Variants in TMEM196 observed in about 807,000 individuals in gnomAD.
TMEM196 encodes the protein transmembrane protein 196.
Under a neutral mutation model 20.0 loss-of-function variants are expected in TMEM196, and 17 were observed. The observed-to-expected ratio is 0.85, with a 90% CI of 0.58 to 1.27. The LOEUF is 1.27. Ranked by LOEUF, TMEM196 falls within the 50% of genes most tolerant of loss-of-function variation. The probability of loss-of-function intolerance (pLI) is 0.00; values close to 1 mark genes in which losing one functional copy is unlikely to be tolerated. For missense variants in TMEM196, 267 were observed against 223.0 expected (o/e 1.20, Z -1.26); for synonymous variants, 113 against 88.9 (o/e 1.27, Z -1.52).
chr7:19,725,792 G>C (rs764974753), intron 2 of TMEM196, 24 bp from the exon 3 acceptor site: 1 of 1,564,976 alleles, frequency 6.4e-7, no homozygotes, highest in African/African-American at 1.4e-5. Flanking sequence ...GAAAGGCAGC[G>C]TTAAAGTTGA....
chr7:19,722,227 T>A, intron 4 of TMEM196, 93 bp from the exon 5 acceptor site: 1 of 1,048,618 alleles, frequency 9.5e-7, no homozygotes, highest in Non-Finnish European at 1.4e-6. Context: ...TTTCAATCCA[T>A]TGAAAAACTT....
chr7:19,747,333 A>C (rs1404339888), intron 1 of TMEM196, among the ~76,000 whole-genome samples: 2 of 152,042 alleles, frequency 1.3e-5, no homozygotes, highest in East Asian at 3.9e-4. Context: ...GTTTGTGGTG[A>C]TTTTTACTCT....
At chr7:19,739,891 T>TG (rs1784528751) in intron 1 of TMEM196, among the ~76,000 whole-genome samples, 1 of 152,166 alleles carries the variant, frequency 6.6e-6, no homozygotes, top group African/African-American at 2.4e-5. Flanking sequence ...AATCATACAA[T>TG]GCTTATAGAT....
intron 1 of TMEM196, among the ~76,000 whole-genome samples, chr7:19,753,908 A>T (rs1412534730): frequency 6.6e-6 from 1 of 151,946 alleles, no homozygotes; most frequent in Non-Finnish European, 1.5e-5. Context: ...AGCTCTCTCT[A>T]CTTTGTTTTT....
At chr7:19,724,146 C>T (rs936954846) in intron 4 of TMEM196, 134 bp downstream of exon 4, 4 of 803,282 alleles carry the variant, frequency 5.0e-6, no homozygotes, top group African/African-American at 3.5e-5. Context: ...TAAGCGCTTA[C>T]GAAAGCGATA....
intron 1 of TMEM196, among the ~76,000 whole-genome samples, chr7:19,736,335 C>T (rs1018758001): frequency 9.6e-6 from 1 of 104,482 alleles, no homozygotes; most frequent in African/African-American, 3.8e-5. Flanking sequence ...TGAGATCCCA[C>T]TTTTCTAGTG....
chr7:19,755,510 A>C (rs1303914529), intron 1 of TMEM196, among the ~76,000 whole-genome samples: 1 of 152,202 alleles, frequency 6.6e-6, no homozygotes, highest in Non-Finnish European at 1.5e-5. Flanking sequence ...ATAAAAAGTA[A>C]CAGAGAGACT....
chr7:19,755,454 A>T (rs776418455), intron 1 of TMEM196, among the ~76,000 whole-genome samples: 1 of 152,202 alleles, frequency 6.6e-6, no homozygotes, highest in Non-Finnish European at 1.5e-5. Context: ...CTTGCCTGGA[A>T]CACTTTTGGT....
intron 2 of TMEM196, 24 bp from the exon 3 acceptor site, chr7:19,725,792 G>A (rs764974753): frequency 2.3e-5 from 36 of 1,564,858 alleles, no homozygotes; most frequent in Middle Eastern, 1.7e-4. Context: ...GAAAGGCAGC[G>A]TTAAAGTTGA....
At chr7:19,728,136 A>G (rs544322400) in intron 2 of TMEM196, among the ~76,000 whole-genome samples, 3 of 152,128 alleles carry the variant, frequency 2.0e-5, no homozygotes, top group Non-Finnish European at 4.4e-5. Flanking sequence ...GTATAAAACA[A>G]CAACAACAAA....
chr7:19,757,898 A>G (rs139965466), intron 1 of TMEM196, among the ~76,000 whole-genome samples: 64 of 152,040 alleles, frequency 4.2e-4, no homozygotes, highest in African/African-American at 1.5e-3. Flanking sequence ...CTTTTTAAAC[A>G]TATAGGATGA....
intron 1 of TMEM196, among the ~76,000 whole-genome samples, chr7:19,759,983 T>G (rs1345904953): frequency 6.6e-6 from 1 of 152,170 alleles, no homozygotes; most frequent in Non-Finnish European, 1.5e-5. Flanking sequence ...TCTTGTCCAT[T>G]TCCTGCTCAA....
At chr7:19,722,942 G>A (rs1783861500) in intron 4 of TMEM196, among the ~76,000 whole-genome samples, 3 of 151,936 alleles carry the variant, frequency 2.0e-5, no homozygotes, top group African/African-American at 7.3e-5. Context: ...GAGCACCATA[G>A]TAAAATTATG....
intron 4 of TMEM196, among the ~76,000 whole-genome samples, chr7:19,722,717 A>G (rs1783853379): frequency 6.6e-6 from 1 of 152,184 alleles, no homozygotes; most frequent in African/African-American, 2.4e-5. Context: ...TTAATGGATC[A>G]ATTACTAAAA....
At chr7:19,736,783 C>T (rs1200003417) in intron 1 of TMEM196, among the ~76,000 whole-genome samples, 1 of 151,938 alleles carries the variant, frequency 6.6e-6, no homozygotes, top group Non-Finnish European at 1.5e-5. Flanking sequence ...ATGTTCAAAA[C>T]ATAAGGTCAA....
rs1181785690 is a variant in TMEM196 at position 19,772,705 on chromosome 7, G to T, written c.-9C>A. On this transcript the variant is annotated 5_prime_UTR_variant, in exon 1 of 5. Transcript: ENST00000405844. Reference sequence around the variant, plus strand: ...TGACCGCTGGTGCACATCCTTCCTCGGTCATCTTCCTTCCAGATCAGAGAG... The same window carrying T: ...TGACCGCTGGTGCACATCCTTCCTCTGTCATCTTCCTTCCAGATCAGAGAG... 5 of 1,495,098 alleles carry T rather than the reference G, an allele frequency of 3.3e-6. No individual in the cohort carries two copies. The highest frequency in any genetic ancestry group is 1.3e-5 in the South Asian group (1 of 78,424). 92.6% of individuals were successfully genotyped at this position (1,495,098 alleles called of 1,614,324 possible). A position where few individuals can be genotyped will look rare whatever the true frequency, so the allele number is the denominator to read the frequency against.
intron 1 of TMEM196, among the ~76,000 whole-genome samples, chr7:19,734,948 C>T (rs1784345560): frequency 6.6e-6 from 1 of 151,902 alleles, no homozygotes; most frequent in Admixed American, 6.6e-5. Context: ...ATAACAAAAG[C>T]ACAAAATAAA....
intron 1 of TMEM196, among the ~76,000 whole-genome samples, chr7:19,748,263 CAAAA>C (rs57276805): frequency 5.3e-4 from 11 of 20,778 alleles, no homozygotes; most frequent in African/African-American, 1.7e-3. Context: ...TGTGGCTGTC[CAAAA>C]AAAAAAAAAA....
intron 2 of TMEM196, 127 bp downstream of exon 2, chr7:19,729,255 A>AG (rs1554297885): frequency 0.17 from 80,637 of 480,608 alleles, 4,155 homozygotes; most frequent in East Asian, 0.42. Context: ...TTTATTTGTC[A>AG]GTTTTTTTTT....
Sources: allele counts gnomAD v4.1 joint callset (sites outside exome capture counted in the v4.1 genomes callset), GRCh38; gene constraint gnomAD v4.1.1; transcripts MANE v1.5; gene names NCBI Gene and HGNC (gene_info 2026-07-23, HGNC 2026-07-21).